Variants in ENOX2 observed in about 807,000 individuals in gnomAD.
The protein encoded by ENOX2 is APK1 antigen.
Under a neutral mutation model 45.0 loss-of-function variants are expected in ENOX2, and 36 were observed. That is an observed-to-expected ratio of 0.80 (90% CI 0.61 to 1.06). The LOEUF (loss-of-function observed/expected upper bound fraction) is 1.06, where lower values mean the gene tolerates loss of function less well. Among genes scored for constraint, ENOX2 ranks in the 50% least tolerant of loss-of-function variants. The pLI is 0.00. For missense variants in ENOX2, 423 were observed against 462.5 expected, an observed-to-expected ratio of 0.91 and a Z score of 0.78; for synonymous variants, 174 against 152.3, an observed-to-expected ratio of 1.14 and a Z score of -1.05.
At chrX:130,686,846 A>C (rs952103679) in intron 5 of ENOX2, among the ~76,000 whole-genome samples, 1 of 112,312 alleles carries the variant, frequency 8.9e-6, no homozygotes, top group Non-Finnish European at 1.9e-5. Context: ...AGCTGTGTCA[A>C]GAGTTTTATG....
At chrX:130,696,775 G>C (rs1482597898) in intron 4 of ENOX2, among the ~76,000 whole-genome samples, 1 of 110,858 alleles carries the variant, frequency 9.0e-6, no homozygotes, top group Non-Finnish European at 1.9e-5. Flanking sequence ...ATTATTAAGG[G>C]CCATTAAAAG....
At chrX:130,801,066 C>T in intron 2 of ENOX2, among the ~76,000 whole-genome samples, 1 of 112,561 alleles carries the variant, frequency 8.9e-6, no homozygotes. Context: ...TTTGAGGAAT[C>T]TTTCACATAA....
At chrX:130,784,722 G>A (rs1323705979) in intron 2 of ENOX2, among the ~76,000 whole-genome samples, 1 of 107,785 alleles carries the variant, frequency 9.3e-6, no homozygotes, top group African/African-American at 3.4e-5. Flanking sequence ...CTAGTAGCTG[G>A]GATTATAGGC....
rs1844244933 is a variant in ENOX2 at position 130,814,056 on chromosome X, G to A, written c.-182-30366C>T. Among the ~76,000 whole-genome samples the A allele has an allele frequency of 2.7e-5, 3 of 111,836 alleles. No individual in the cohort carries two copies. The South Asian group carries it at 1.1e-3, about 42-fold the overall frequency. ...GACCTTGGATGCTCGAGCTTGGTGG[G>A]GAGAGGGACATCTGCAATTACTGAG... On this transcript the variant is annotated intron_variant, in intron 2 of 14. Coordinates refer to ENST00000394363, the MANE Select transcript of ENOX2 (RefSeq NM_006375.4).
At chrX:130,891,171 C>A (rs993118285) in intron 2 of ENOX2, among the ~76,000 whole-genome samples, 36 of 110,571 alleles carry the variant, frequency 3.3e-4, no homozygotes, top group Admixed American at 2.6e-3. Flanking sequence ...TGAGATCCCA[C>A]CTCTTAAATA....
At chrX:130,638,274 G>A (rs1184718765) in intron 10 of ENOX2, among the ~76,000 whole-genome samples, 1 of 109,503 alleles carries the variant, frequency 9.1e-6, no homozygotes, top group East Asian at 2.9e-4. Flanking sequence ...TGCCATATTG[G>A]CCAGGCTGGT....
At chrX:130,840,589 G>A (rs916837518) in intron 2 of ENOX2, among the ~76,000 whole-genome samples, 4 of 110,311 alleles carry the variant, frequency 3.6e-5, no homozygotes, top group East Asian at 2.8e-4. Context: ...ACCCTTGGCC[G>A]GGCATGGTGG....
At chrX:130,844,239 T>C (rs902613719) in intron 2 of ENOX2, among the ~76,000 whole-genome samples, 2 of 111,592 alleles carry the variant, frequency 1.8e-5, no homozygotes, top group Non-Finnish European at 3.8e-5. Context: ...AACATATCTA[T>C]TTCTCATCTC....
At chrX:130,725,117 T>C (rs770371133) in intron 3 of ENOX2, among the ~76,000 whole-genome samples, 19 of 111,494 alleles carry the variant, frequency 1.7e-4, no homozygotes, top group Non-Finnish European at 3.6e-4. Flanking sequence ...ACCTTTCCTA[T>C]AGAAATATTA....
chrX:130,719,320 A>C (rs2038410771), intron 3 of ENOX2, among the ~76,000 whole-genome samples: 1 of 110,932 alleles, frequency 9.0e-6, no homozygotes, highest in Non-Finnish European at 1.9e-5. Flanking sequence ...CAGAGGGGGA[A>C]ATATTGATCA....
intron 2 of ENOX2, among the ~76,000 whole-genome samples, chrX:130,900,203 T>C (rs1201828377): frequency 1.8e-5 from 2 of 112,799 alleles, no homozygotes; most frequent in Non-Finnish European, 3.7e-5. Context: ...ATTTTTACCA[T>C]ATTCACACAC....
intron 13 of ENOX2, among the ~76,000 whole-genome samples, chrX:130,628,639 A>G (rs1055148967): frequency 8.9e-6 from 1 of 112,401 alleles, no homozygotes; most frequent in Non-Finnish European, 1.9e-5. Context: ...GAAAAGTCAA[A>G]CATTTCATTC....
chrX:130,784,553 G>C (rs190169705), intron 2 of ENOX2, among the ~76,000 whole-genome samples: 8 of 109,873 alleles, frequency 7.3e-5, no homozygotes, highest in African/African-American at 2.7e-4. Context: ...CTATCAAAGG[G>C]GGGGAAATCA....
intron 10 of ENOX2, among the ~76,000 whole-genome samples, chrX:130,649,680 TTTA>T (rs1463973552): frequency 1.8e-5 from 2 of 111,982 alleles, no homozygotes; most frequent in African/African-American, 6.5e-5. Context: ...TATGATTGGT[TTTA>T]TTATTAATTT....
intron 2 of ENOX2, among the ~76,000 whole-genome samples, chrX:130,867,014 G>A: frequency 9.0e-6 from 1 of 110,542 alleles, no homozygotes; most frequent in African/African-American, 3.3e-5. Flanking sequence ...ACTATGACTT[G>A]TAAAAGTAAT....
intron 2 of ENOX2, among the ~76,000 whole-genome samples, chrX:130,826,871 A>T (rs912974188): frequency 3.6e-5 from 4 of 111,632 alleles, no homozygotes; most frequent in Non-Finnish European, 1.9e-5. Flanking sequence ...TAATATCAGG[A>T]AATTATACTC....
At chrX:130,782,707 C>T (rs1255115170) in intron 3 of ENOX2, among the ~76,000 whole-genome samples, 1 of 111,284 alleles carries the variant, frequency 9.0e-6, no homozygotes, top group Non-Finnish European at 1.9e-5. Flanking sequence ...TGCCCATCCC[C>T]GAATCTCAGA....
intron 2 of ENOX2, among the ~76,000 whole-genome samples, chrX:130,889,364 C>CA (rs753710388): frequency 1.2e-3 from 132 of 112,271 alleles, no homozygotes; most frequent in Non-Finnish European, 2.2e-3. Flanking sequence ...TCTGTGCCCT[C>CA]AAACAAGTGC....
intron 2 of ENOX2, among the ~76,000 whole-genome samples, chrX:130,838,477 A>C (rs1037892834): frequency 4.2e-4 from 47 of 112,236 alleles, no homozygotes; most frequent in African/African-American, 1.5e-3. Flanking sequence ...TAATATACGC[A>C]AAGTGCCTGG....
Sources: gnomAD v4.1 joint callset for allele counts (sites outside exome capture counted in the v4.1 genomes callset) on GRCh38, gnomAD v4.1.1 for gene constraint, MANE v1.5 for transcripts, NCBI Gene and HGNC (gene_info 2026-07-23, HGNC 2026-07-21) for gene names.